The following GRM1 variants were observed in gnomAD, a reference collection of about 807,000 sequenced individuals.
The protein encoded by GRM1 is glutamate metabotropic receptor 1.
Under a neutral mutation model 90.9 loss-of-function variants are expected in GRM1, and 33 were observed. That is an observed-to-expected ratio of 0.36 (90% CI 0.28 to 0.49). GRM1 has a LOEUF of 0.49. Among genes scored for constraint, GRM1 ranks in the 20% least tolerant of loss-of-function variants. GRM1 has a pLI of 0.99. For missense variants in GRM1, 1,190 were observed against 1,534.3 expected (o/e 0.78, Z 3.75); for synonymous variants, 700 against 613.2 (o/e 1.14, Z -2.09).
intron 3 of GRM1, among the ~76,000 whole-genome samples, chr6:146,331,951 G>T (rs1392365105): frequency 1.3e-5 from 2 of 152,138 alleles, no homozygotes; most frequent in East Asian, 3.9e-4. Context: ...GAATCCGAAA[G>T]AATCACAGGA....
At chr6:146,039,979 A>G (rs1791036840) in intron 1 of GRM1, among the ~76,000 whole-genome samples, 1 of 152,016 alleles carries the variant, frequency 6.6e-6, no homozygotes, top group Non-Finnish European at 1.5e-5. Context: ...CGATCTGGAA[A>G]GAGAGTTATA....
intron 2 of GRM1, among the ~76,000 whole-genome samples, chr6:146,163,029 G>T (rs1239473665): frequency 6.6e-6 from 1 of 151,974 alleles, no homozygotes; most frequent in Non-Finnish European, 1.5e-5. Context: ...GATCAGTAGG[G>T]ATGTATTTAT....
chr6:146,168,096 T>C (rs1307878450), intron 2 of GRM1, among the ~76,000 whole-genome samples: 1 of 152,014 alleles, frequency 6.6e-6, no homozygotes, highest in Non-Finnish European at 1.5e-5. Context: ...ATCCCAGTCG[T>C]TTGAGAACAT....
At chr6:146,214,994 T>C (rs1362870886) in intron 2 of GRM1, among the ~76,000 whole-genome samples, 1 of 152,210 alleles carries the variant, frequency 6.6e-6, no homozygotes, top group African/African-American at 2.4e-5. Context: ...CTTACTCTGC[T>C]AACCCAGAAA....
At chr6:146,392,134 C>A (rs559976618) in intron 6 of GRM1, among the ~76,000 whole-genome samples, 1 of 152,134 alleles carries the variant, frequency 6.6e-6, no homozygotes, top group South Asian at 2.1e-4. Context: ...TTGGTGGCAA[C>A]CAAATCCTGT....
At chr6:146,299,332 T>C (rs144394783) in intron 2 of GRM1, among the ~76,000 whole-genome samples, 36 of 152,322 alleles carry the variant, frequency 2.4e-4, no homozygotes, top group African/African-American at 5.3e-4. Flanking sequence ...TAATTTTTTA[T>C]TGGATGCTAA....
chr6:146,356,801 A>G (rs1785601607), intron 4 of GRM1, among the ~76,000 whole-genome samples: 1 of 152,090 alleles, frequency 6.6e-6, no homozygotes, highest in Admixed American at 6.6e-5. Context: ...TACCATATAC[A>G]TATATGGTGT....
chr6:146,223,901 A>G (rs1780153104), intron 2 of GRM1, among the ~76,000 whole-genome samples: 1 of 152,166 alleles, frequency 6.6e-6, no homozygotes, highest in Non-Finnish European at 1.5e-5. Flanking sequence ...TATGAATATC[A>G]TAATTTACTG....
chr6:146,302,844 GAAGA>G (rs1483063754), intron 2 of GRM1, among the ~76,000 whole-genome samples: 1 of 148,486 alleles, frequency 6.7e-6, no homozygotes, highest in Non-Finnish European at 1.5e-5. Context: ...GCAAAGAAAA[GAAGA>G]AAGAAAAAAG....
chr6:146,392,465 T>G (rs1424755408), intron 6 of GRM1, among the ~76,000 whole-genome samples: 1 of 152,218 alleles, frequency 6.6e-6, no homozygotes, highest in African/African-American at 2.4e-5. Context: ...TTCAAATATC[T>G]AAACTCATGC....
At chr6:146,078,065 C>T (rs1312518964) in intron 1 of GRM1, among the ~76,000 whole-genome samples, 1 of 152,112 alleles carries the variant, frequency 6.6e-6, no homozygotes, top group Non-Finnish European at 1.5e-5. Flanking sequence ...TTGACACATT[C>T]AACAAAATAT....
At chr6:146,267,675 G>GTCTCGTCTC (rs1781954757) in intron 2 of GRM1, among the ~76,000 whole-genome samples, 12 of 103,262 alleles carry the variant, frequency 1.2e-4, no homozygotes, top group Admixed American at 3.5e-4. Flanking sequence ...GGGCTGGGCT[G>GTCTCGTCTC]GGCTGGGCTC....
chr6:146,217,661 A>G (rs1298731850), intron 2 of GRM1, among the ~76,000 whole-genome samples: 3 of 152,212 alleles, frequency 2.0e-5, no homozygotes, highest in Non-Finnish European at 1.5e-5. Context: ...GGCAACATTT[A>G]CTAAGACATG....
At chr6:146,211,925 T>G (rs1583170635) in intron 2 of GRM1, among the ~76,000 whole-genome samples, 1 of 152,176 alleles carries the variant, frequency 6.6e-6, no homozygotes, top group Non-Finnish European at 1.5e-5. Flanking sequence ...TTAAGAGATT[T>G]ATTGCAGTGA....
At chr6:146,064,958 C>T (rs1775799095) in intron 1 of GRM1, among the ~76,000 whole-genome samples, 1 of 151,506 alleles carries the variant, frequency 6.6e-6, no homozygotes, top group Non-Finnish European at 1.5e-5. Flanking sequence ...CACTGTTTTA[C>T]CTTATTGAAG....
intron 3 of GRM1, among the ~76,000 whole-genome samples, chr6:146,311,774 A>T (rs1783779700): frequency 6.6e-6 from 1 of 152,066 alleles, no homozygotes; most frequent in Non-Finnish European, 1.5e-5. Flanking sequence ...CAAATTGTGA[A>T]AAAAAATACT....
At chr6:146,339,064 T>C (rs1442536444) in intron 3 of GRM1, among the ~76,000 whole-genome samples, 1 of 152,216 alleles carries the variant, frequency 6.6e-6, no homozygotes, top group Non-Finnish European at 1.5e-5. Flanking sequence ...ATATGAAACA[T>C]ACTCCATGAA....
chr6:146,312,792 A>G (rs1783822157), intron 3 of GRM1, among the ~76,000 whole-genome samples: 1 of 152,230 alleles, frequency 6.6e-6, no homozygotes, highest in African/African-American at 2.4e-5. Context: ...ACGAATTACA[A>G]CAGCTGAAAG....
intron 2 of GRM1, among the ~76,000 whole-genome samples, chr6:146,293,505 A>C (rs1783068174): frequency 6.6e-6 from 1 of 152,032 alleles, no homozygotes; most frequent in African/African-American, 2.4e-5. Flanking sequence ...ACCTTCCTTA[A>C]TTTGACTTTA....
Sources: gnomAD v4.1 joint callset for allele counts (sites outside exome capture counted in the v4.1 genomes callset) on GRCh38, gnomAD v4.1.1 for gene constraint, MANE v1.5 for transcripts, NCBI Gene and HGNC (gene_info 2026-07-23, HGNC 2026-07-21) for gene names.